Variants in DCC observed in about 807,000 individuals in gnomAD.
DCC encodes the protein DCC netrin 1 receptor.
Under a neutral mutation model 172.5 loss-of-function variants are expected in DCC, and 58 were observed. The ratio of observed to expected loss-of-function variants is 0.34; its 90% confidence interval spans 0.27 to 0.42. The LOEUF (loss-of-function observed/expected upper bound fraction) is 0.42. DCC is among the 10% of genes least tolerant of loss of function. The pLI, the probability that DCC is intolerant of heterozygous loss-of-function variation, is 1.00. For missense variants in DCC, 1,740 were observed against 1,791.0 expected, an observed-to-expected ratio of 0.97 and a Z score of 0.51; for synonymous variants, 709 against 644.5, an observed-to-expected ratio of 1.10 and a Z score of -1.52.
At chr18:53,320,217 C>G (rs971966065) in intron 13 of DCC, among the ~76,000 whole-genome samples, 1 of 151,656 alleles carries the variant, frequency 6.6e-6, no homozygotes, top group Non-Finnish European at 1.5e-5. Flanking sequence ...GGACCACAGG[C>G]GCCCACCACC....
At chr18:52,355,660 T>C (rs1431192233) in intron 1 of DCC, among the ~76,000 whole-genome samples, 1 of 152,130 alleles carries the variant, frequency 6.6e-6, no homozygotes, top group East Asian at 1.9e-4. Flanking sequence ...TTAAACAGCA[T>C]ATAAACACAC....
intron 5 of DCC, among the ~76,000 whole-genome samples, chr18:53,049,345 T>G (rs559259672): frequency 6.6e-6 from 1 of 152,256 alleles, no homozygotes; most frequent in African/African-American, 2.4e-5. Context: ...TTAATCCATC[T>G]TGAGTTGATT....
chr18:53,311,923 G>A (rs890941308), intron 13 of DCC, among the ~76,000 whole-genome samples: 6 of 151,984 alleles, frequency 3.9e-5, no homozygotes, highest in Non-Finnish European at 5.9e-5. Flanking sequence ...CTCACCGTAG[G>A]CAATGCATTC....
intron 5 of DCC, among the ~76,000 whole-genome samples, chr18:52,929,778 A>G (rs149934792): frequency 6.6e-6 from 1 of 151,612 alleles, no homozygotes; most frequent in Non-Finnish European, 1.5e-5. Context: ...TATTGAGATT[A>G]TGCTAACATA....
intron 2 of DCC, among the ~76,000 whole-genome samples, chr18:52,859,937 A>G (rs1346783888): frequency 6.6e-6 from 1 of 152,234 alleles, no homozygotes; most frequent in Non-Finnish European, 1.5e-5. Flanking sequence ...AGGATAAGCA[A>G]AAAGATAAAT....
chr18:52,615,823 A>T (rs2144849782), intron 1 of DCC, among the ~76,000 whole-genome samples: 1 of 152,320 alleles, frequency 6.6e-6, no homozygotes, highest in South Asian at 2.1e-4. Flanking sequence ...TAGGGTAGGG[A>T]GAAGCTTAGA....
intron 2 of DCC, among the ~76,000 whole-genome samples, chr18:52,905,368 T>C (rs2039865766): frequency 6.6e-6 from 1 of 152,166 alleles, no homozygotes; most frequent in South Asian, 2.1e-4. Context: ...GTTTCCAAAG[T>C]ATTCATATGT....
chr18:53,214,121 C>G (rs1409980852), intron 11 of DCC, among the ~76,000 whole-genome samples: 2 of 151,998 alleles, frequency 1.3e-5, no homozygotes, highest in Non-Finnish European at 2.9e-5. Context: ...GAATAAGAAT[C>G]TCAAAAAATT....
intron 27 of DCC, among the ~76,000 whole-genome samples, chr18:53,517,132 G>A (rs1160168316): frequency 2.8e-5 from 4 of 141,756 alleles, no homozygotes; most frequent in Non-Finnish European, 6.1e-5. Flanking sequence ...AAAATGATGA[G>A]TTCATGTCCT....
chr18:53,160,668 T>A (rs1039473023), intron 8 of DCC, among the ~76,000 whole-genome samples: 1 of 152,178 alleles, frequency 6.6e-6, no homozygotes, highest in Non-Finnish European at 1.5e-5. Context: ...CTACTGGCAA[T>A]TATACTACAT....
Position 53,232,956 on chromosome 18 carries a change from T to C in DCC, c.1911+17359T>C, listed in dbSNP as rs573995880. 4.6e-5 allele frequency among the ~76,000 whole-genome samples: 7 copies of C among 151,790 alleles called. No individual in the cohort carries two copies. The East Asian group carries it at 9.7e-4, about 21-fold the overall frequency. On this transcript the variant is annotated intron_variant, in intron 12 of 28. Coordinates refer to ENST00000442544, the MANE Select transcript of DCC (RefSeq NM_005215.4). ...TTTCTTTTTTTTTTTTCCCCAGGTA[T>C]TATTATTCTTATTTTCTCACTCTCC...
chr18:52,372,001 C>G (rs1197343754), intron 1 of DCC, among the ~76,000 whole-genome samples: 2 of 152,186 alleles, frequency 1.3e-5, no homozygotes, highest in African/African-American at 4.8e-5. Flanking sequence ...TTTTGATCAG[C>G]TACTCATTTG....
At chr18:53,019,499 G>C (rs1474946904) in intron 5 of DCC, among the ~76,000 whole-genome samples, 1 of 151,992 alleles carries the variant, frequency 6.6e-6, no homozygotes, top group Non-Finnish European at 1.5e-5. Context: ...TTTATTCCCA[G>C]GATTTACATA....
At chr18:52,962,678 C>G (rs926975714) in intron 5 of DCC, among the ~76,000 whole-genome samples, 3 of 151,632 alleles carry the variant, frequency 2.0e-5, no homozygotes, top group African/African-American at 7.3e-5. Flanking sequence ...CGGCACTATT[C>G]ACAGTAGCAA....
At chr18:53,354,411 C>CTCTCCAGCATCTGTTGTTTCCTGACTTT (rs1182741462) in intron 15 of DCC, among the ~76,000 whole-genome samples, 1 of 152,142 alleles carries the variant, frequency 6.6e-6, no homozygotes, top group Non-Finnish European at 1.5e-5. Flanking sequence ...TCTCCACATC[C>CTCTCCAGCATCTGTTGTTTCCTGACTTT]TCTCCAGCAT....
chr18:53,016,671 A>G (rs918840636), intron 5 of DCC, among the ~76,000 whole-genome samples: 1 of 152,164 alleles, frequency 6.6e-6, no homozygotes, highest in Non-Finnish European at 1.5e-5. Flanking sequence ...TGGGAGTGAG[A>G]GTACTTTGTC....
intron 2 of DCC, among the ~76,000 whole-genome samples, chr18:52,763,494 T>C (rs2037195037): frequency 6.6e-6 from 1 of 152,232 alleles, no homozygotes; most frequent in Non-Finnish European, 1.5e-5. Flanking sequence ...TCTAAAGTTG[T>C]TTCCAGTTAT....
chr18:53,501,414 A>G (rs2046095690), intron 27 of DCC, among the ~76,000 whole-genome samples: 1 of 152,196 alleles, frequency 6.6e-6, no homozygotes, highest in South Asian at 2.1e-4. Flanking sequence ...TTTATGTCTA[A>G]CTTGTTTAAT....
intron 1 of DCC, among the ~76,000 whole-genome samples, chr18:52,710,491 T>G (rs1457036966): frequency 6.6e-6 from 1 of 152,226 alleles, no homozygotes; most frequent in Non-Finnish European, 1.5e-5. Flanking sequence ...TGTGCACACT[T>G]GCATGTGCCT....
Sources: allele counts gnomAD v4.1 joint callset (sites outside exome capture counted in the v4.1 genomes callset), GRCh38; gene constraint gnomAD v4.1.1; transcripts MANE v1.5; gene names NCBI Gene and HGNC (gene_info 2026-07-23, HGNC 2026-07-21).